Variants in CYFIP2 observed in about 807,000 individuals in gnomAD.
CYFIP2 encodes the protein cytoplasmic FMR1 interacting protein 2.
In CYFIP2, 29 loss-of-function variants were observed where a neutral mutation model predicts 158.7. That is an observed-to-expected ratio of 0.18 (90% CI 0.14 to 0.25). The LOEUF is 0.25. Ranked by LOEUF, CYFIP2 falls within the 10% of genes least tolerant of loss-of-function variation. The probability of loss-of-function intolerance (pLI) is 1.00; values close to 1 mark genes in which losing one functional copy is unlikely to be tolerated. For missense variants in CYFIP2, 852 were observed against 1,639.5 expected, an observed-to-expected ratio of 0.52 and a Z score of 8.29; for synonymous variants, 585 against 617.6, an observed-to-expected ratio of 0.95 and a Z score of 0.78.
chr5:157,353,564 G>A (rs982386176), intron 23 of CYFIP2, among the ~76,000 whole-genome samples: 2 of 152,164 alleles, frequency 1.3e-5, no homozygotes, highest in African/African-American at 2.4e-5. Flanking sequence ...TTACCCAAGC[G>A]TTTACAATGG....
intron 26 of CYFIP2, chr5:157,376,965 T>C (rs963711713): frequency 2.2e-6 from 1 of 452,474 alleles, no homozygotes; most frequent in African/African-American, 2.0e-5. Context: ...TGCTGTTCTC[T>C]GACTCCATAA....
At chr5:157,304,668 T>G in intron 8 of CYFIP2, 1 of 233,532 alleles carries the variant, frequency 4.3e-6, no homozygotes, top group Non-Finnish European at 8.3e-6. Flanking sequence ...CTAAACTTCA[T>G]TGAACACCCT....
chr5:157,344,916 G>T (rs529960980), intron 23 of CYFIP2, among the ~76,000 whole-genome samples: 2 of 152,334 alleles, frequency 1.3e-5, no homozygotes, highest in East Asian at 3.9e-4. Flanking sequence ...GCAGAAAGGT[G>T]CACAGCATTG....
intron 20 of CYFIP2, among the ~76,000 whole-genome samples, chr5:157,332,736 T>C (rs1561736917): frequency 6.6e-6 from 1 of 152,164 alleles, no homozygotes; most frequent in Non-Finnish European, 1.5e-5. Context: ...CACAAACTCT[T>C]GGGCTCAAGC....
At chr5:157,380,194 G>A (rs973362773) in intron 26 of CYFIP2, 31 of 152,344 alleles carry the variant, frequency 2.0e-4, no homozygotes, top group African/African-American at 6.0e-4. Context: ...CAATAATGAT[G>A]TTATCACCAG....
At chr5:157,354,397 T>A (rs1763274717) in intron 23 of CYFIP2, among the ~76,000 whole-genome samples, 1 of 152,138 alleles carries the variant, frequency 6.6e-6, no homozygotes. Context: ...TTCTTGTTTT[T>A]CTTTGCCAAC....
intron 1 of CYFIP2, among the ~76,000 whole-genome samples, chr5:157,280,601 G>A (rs1246410187): frequency 2.0e-5 from 3 of 152,008 alleles, no homozygotes; most frequent in Non-Finnish European, 4.4e-5. Flanking sequence ...TTGGATAAGA[G>A]CTGGGAGCTT....
intron 1 of CYFIP2, chr5:157,269,550 T>C (rs935946828): frequency 4.6e-5 from 7 of 152,162 alleles, no homozygotes; most frequent in Admixed American, 1.3e-4. Flanking sequence ...GCCCAACTGT[T>C]ACCTGCCTGT....
intron 26 of CYFIP2, among the ~76,000 whole-genome samples, chr5:157,379,280 T>C (rs1765799815): frequency 1.3e-5 from 2 of 152,140 alleles, no homozygotes; most frequent in South Asian, 4.1e-4. Context: ...TCTCTACTGC[T>C]GCTTTTGGTA....
intron 1 of CYFIP2, among the ~76,000 whole-genome samples, chr5:157,275,687 G>A (rs1176649865): frequency 6.6e-6 from 1 of 152,216 alleles, no homozygotes; most frequent in African/African-American, 2.4e-5. Context: ...TTTCTGCAAA[G>A]AAACCAGATG....
chr5:157,337,888 T>A (rs73304200), intron 21 of CYFIP2, among the ~76,000 whole-genome samples: 2 of 152,194 alleles, frequency 1.3e-5, no homozygotes, highest in Non-Finnish European at 2.9e-5. Context: ...CAAGAACACA[T>A]GATTTGGAAT....
intron 21 of CYFIP2, among the ~76,000 whole-genome samples, chr5:157,337,965 G>A (rs1200053713): frequency 6.6e-6 from 1 of 151,942 alleles, no homozygotes; most frequent in Non-Finnish European, 1.5e-5. Flanking sequence ...TAACCTTCAG[G>A]GCCTCAATTT....
intron 23 of CYFIP2, among the ~76,000 whole-genome samples, chr5:157,351,789 C>A (rs1431036715): frequency 6.6e-6 from 1 of 152,152 alleles, no homozygotes; most frequent in Non-Finnish European, 1.5e-5. Flanking sequence ...AGAGGTAGGG[C>A]CAGGACTTCA....
rs1337845533 is a variant in CYFIP2 at position 157,360,351 on chromosome 5, C to T, written c.2887C>T (p.Arg963Ter). The T allele has an allele frequency of 1.9e-6, 3 of 1,613,650 alleles. No homozygotes were observed. Among genetic ancestry groups the T allele is most frequent in the African/African-American group, 1.3e-5 (1 of 74,916 alleles). The change falls in exon 25 of 31, where the codon CGA becomes TGA. Residue 963 changes from arginine (R) to a stop codon, truncating the protein, a stop_gained. Coordinates refer to ENST00000620254, the MANE Select transcript of CYFIP2 (RefSeq NM_001037333.3). LOFTEE classifies it high-confidence loss of function. ...GATGCCCAAGATATGCCGCTTGCCC[C>T]GACATGAGTATGGCTCCCCAGGTTG... ...EVMPKICRLP[R>*]HEYGSPGILE... is the part of the protein sequence containing the mutation.
intron 21 of CYFIP2, among the ~76,000 whole-genome samples, chr5:157,335,391 C>A (rs2113205989): frequency 6.6e-6 from 1 of 152,308 alleles, no homozygotes; most frequent in East Asian, 1.9e-4. Flanking sequence ...AATTCTCCTG[C>A]CTCAGCCTCC....
chr5:157,286,849 G>T (rs1757436113), intron 2 of CYFIP2, among the ~76,000 whole-genome samples, 170 bp from the exon 3 acceptor site: 1 of 152,162 alleles, frequency 6.6e-6, no homozygotes, highest in Non-Finnish European at 1.5e-5. Flanking sequence ...CCTGCCCAGT[G>T]TGATTGAGAG....
At chr5:157,330,225 G>C (rs1761335851) in intron 19 of CYFIP2, among the ~76,000 whole-genome samples, 1 of 149,812 alleles carries the variant, frequency 6.7e-6, no homozygotes, top group African/African-American at 2.5e-5. Flanking sequence ...TCATAGGGTT[G>C]TGGTGAGATT....
rs376828557 is a variant in CYFIP2 at position 157,279,551 on chromosome 5, G to C, written c.-23-5788G>C. Among the ~76,000 whole-genome samples, 654 of 152,010 alleles carry C rather than the reference G, an allele frequency of 4.3e-3. 2 individuals are homozygous for C. The highest frequency in any genetic ancestry group is 0.015 in the African/African-American group (626 of 41,312). ...GGGTCTGTCAGTCATGTCTGCCTGG[G>C]GGGGCACCTAAAGCCCCCCCTTCTC... On this transcript the variant is annotated intron_variant, in intron 1 of 30. Transcript: ENST00000620254.
chr5:157,286,343 T>C (rs1158662297), intron 2 of CYFIP2, among the ~76,000 whole-genome samples: 2 of 150,416 alleles, frequency 1.3e-5, no homozygotes, highest in African/African-American at 4.9e-5. Context: ...TATACATATA[T>C]ATGTGTGTGT....
Sources: allele counts gnomAD v4.1 joint callset (sites outside exome capture counted in the v4.1 genomes callset), GRCh38; gene constraint gnomAD v4.1.1; transcripts MANE v1.5; gene names NCBI Gene and HGNC (gene_info 2026-07-23, HGNC 2026-07-21).